The following RHOU variants were observed in gnomAD, a reference collection of about 807,000 sequenced individuals.
The protein encoded by RHOU is rho-related GTP-binding protein RhoU.
Under a neutral mutation model 12.6 loss-of-function variants are expected in RHOU, and 8 were observed. The observed-to-expected ratio is 0.64, with a 90% CI of 0.37 to 1.15. The LOEUF (loss-of-function observed/expected upper bound fraction) is 1.15, where lower values mean the gene tolerates loss of function less well. RHOU is among the 50% of genes most tolerant of loss of function. RHOU has a pLI of 0.01. For synonymous variants in RHOU, 161 were observed against 147.4 expected, an observed-to-expected ratio of 1.09 and a Z score of -0.67; for missense variants, 258 against 347.0, an observed-to-expected ratio of 0.74 and a Z score of 2.04.
chr1:228,685,096 A>G, the RHOU span, among the ~76,000 whole-genome samples: 1 of 152,200 alleles, frequency 6.6e-6, no homozygotes, highest in African/African-American at 2.4e-5. Context: ...TGACATTGCC[A>G]TGACATTTGT....
the RHOU span, among the ~76,000 whole-genome samples, chr1:228,708,055 T>G: frequency 8.6e-5 from 13 of 151,888 alleles, no homozygotes; most frequent in Non-Finnish European, 1.5e-5. Context: ...AGAAAGGGTA[T>G]AAGTGATGGA....
the RHOU span, among the ~76,000 whole-genome samples, chr1:228,683,147 C>G: frequency 6.6e-6 from 1 of 152,180 alleles, no homozygotes; most frequent in East Asian, 1.9e-4. Flanking sequence ...CCTGACAGAT[C>G]TTGTACCAGT....
At chr1:228,725,528 G>A in the RHOU span, among the ~76,000 whole-genome samples, 1 of 152,148 alleles carries the variant, frequency 6.6e-6, no homozygotes, top group Non-Finnish European at 1.5e-5. Flanking sequence ...AACAAGGGAC[G>A]CCATCCAAAG....
At chr1:228,654,136 G>A in the RHOU span, among the ~76,000 whole-genome samples, 6 of 150,542 alleles carry the variant, frequency 4.0e-5, no homozygotes, top group Non-Finnish European at 7.4e-5. Flanking sequence ...TTGAGTCAGA[G>A]TCTTGCTCTG....
chr1:228,732,211 C>T (rs1023476143), upstream of RHOU, among the ~76,000 whole-genome samples: 2 of 152,292 alleles, frequency 1.3e-5, no homozygotes, highest in Non-Finnish European at 2.9e-5. Context: ...ACTTGCCCCA[C>T]GTGCTTCTAA....
At chr1:228,677,134 C>A in the RHOU span, among the ~76,000 whole-genome samples, 1 of 152,034 alleles carries the variant, frequency 6.6e-6, no homozygotes, top group East Asian at 1.9e-4. Context: ...GGCGTGGGAA[C>A]CTACAGTGGG....
chr1:228,681,503 T>G, the RHOU span, among the ~76,000 whole-genome samples: 2 of 151,402 alleles, frequency 1.3e-5, no homozygotes, highest in African/African-American at 4.9e-5. Context: ...GAAGGAGGAT[T>G]TGGGATGAGT....
the RHOU span, among the ~76,000 whole-genome samples, chr1:228,694,329 A>C: frequency 6.6e-6 from 1 of 151,798 alleles, no homozygotes; most frequent in Non-Finnish European, 1.5e-5. Flanking sequence ...TTTTTTCTTC[A>C]ACTTTTATTT....
At chr1:228,695,802 T>C in the RHOU span, among the ~76,000 whole-genome samples, 1 of 152,174 alleles carries the variant, frequency 6.6e-6, no homozygotes. Context: ...ATTCATTATG[T>C]GGGCGTGATT....
At chr1:228,668,034 G>T in the RHOU span, among the ~76,000 whole-genome samples, 1 of 152,114 alleles carries the variant, frequency 6.6e-6, no homozygotes, top group Non-Finnish European at 1.5e-5. Context: ...GGACCTGGTT[G>T]CCAGAGTGAT....
chr1:228,732,896 CAAT>C (rs1231645254), upstream of RHOU, among the ~76,000 whole-genome samples: 2 of 152,084 alleles, frequency 1.3e-5, no homozygotes, highest in Non-Finnish European at 2.9e-5. Context: ...AAATGCATCA[CAAT>C]AAGTTACAAA....
At chr1:228,710,009 C>T in the RHOU span, among the ~76,000 whole-genome samples, 8 of 152,138 alleles carry the variant, frequency 5.3e-5, no homozygotes, top group Admixed American at 5.2e-4. Flanking sequence ...ATACAAACTA[C>T]CATAAGAGAA....
chr1:228,691,453 T>A, the RHOU span, among the ~76,000 whole-genome samples: 1 of 129,678 alleles, frequency 7.7e-6, no homozygotes, highest in East Asian at 2.5e-4. Flanking sequence ...CAACCACTGA[T>A]CTTTTTATTG....
chr1:228,738,629 C>G lies in RHOU; in HGVS notation c.321+898C>G, dbSNP rs908121957. 6.6e-6 allele frequency among the ~76,000 whole-genome samples: 1 copy of G among 152,164 alleles called. No homozygotes were observed. The highest frequency in any genetic ancestry group is 1.5e-5 in the Non-Finnish European group (1 of 68,024). On this transcript the variant is annotated intron_variant, in intron 2 of 2. Coordinates refer to ENST00000366691, the MANE Select transcript of RHOU (RefSeq NM_021205.6). This position sits in a 1 kb window ranked among gnomAD's most constrained non-coding sequence, Gnocchi z 4.2. ...ACTGGCTTTCCACTGCCCCCCAGAG[C>G]CTCATCTACGCCAGAGCTTCCAAGT... is the stretch of plus-strand genomic sequence containing the variant.
At chr1:228,704,686 C>T in the RHOU span, among the ~76,000 whole-genome samples, 6 of 151,646 alleles carry the variant, frequency 4.0e-5, no homozygotes, top group Middle Eastern at 3.4e-3. Context: ...GTGTTGAACT[C>T]GACCTCAAGT....
Position 228,743,647 on chromosome 1 carries a change from T to G in RHOU, c.684T>G (p.Thr228=). The G allele has an allele frequency of 6.2e-7, 1 of 1,614,050 alleles. No homozygotes were observed. ...AIVAGIQYSD[T]QQQPKKSKSR... is the part of the protein sequence containing the mutation. ...TCGCTGGCATTCAATACTCGGACAC[T>G]CAGCAACAGCCAAAGAAGTCTAAAA... Residue 228 remains threonine (T), a synonymous_variant, in exon 3 of 3, where the codon ACT becomes ACG. Transcript: ENST00000366691. This position sits in a 1 kb window ranked among gnomAD's most constrained non-coding sequence, Gnocchi z 5.1.
the RHOU span, among the ~76,000 whole-genome samples, chr1:228,725,016 T>C: frequency 6.6e-6 from 1 of 152,242 alleles, no homozygotes; most frequent in Non-Finnish European, 1.5e-5. Flanking sequence ...TGGCAGTCTT[T>C]CTCTGACATT....
At chr1:228,684,240 A>T in the RHOU span, among the ~76,000 whole-genome samples, 33 of 152,078 alleles carry the variant, frequency 2.2e-4, no homozygotes, top group East Asian at 4.7e-3. Context: ...TTTCACCCTG[A>T]TGGCCAGGCT....
the RHOU span, among the ~76,000 whole-genome samples, chr1:228,712,816 TA>T: frequency 3.9e-5 from 5 of 128,450 alleles, no homozygotes; most frequent in East Asian, 6.4e-4. Context: ...ATAATAATAA[TA>T]AATAAATAAA....
Sources: gnomAD v4.1 joint callset for allele counts (sites outside exome capture counted in the v4.1 genomes callset) on GRCh38, gnomAD v4.1.1 for gene constraint, Gnocchi (gnomAD v3.1) non-coding constraint, MANE v1.5 for transcripts, NCBI Gene and HGNC (gene_info 2026-07-23, HGNC 2026-07-21) for gene names.